RNF6: variants seen among roughly 807,000 people sequenced by gnomAD.
The protein encoded by RNF6 is E3 ubiquitin-protein ligase RNF6.
Under a neutral mutation model 50.1 loss-of-function variants are expected in RNF6, and 21 were observed. That is an observed-to-expected ratio of 0.42 (90% CI 0.30 to 0.60). The LOEUF is 0.60. RNF6 is among the 20% of genes least tolerant of loss of function. The pLI is 0.20. For synonymous variants in RNF6, 255 were observed against 291.8 expected (o/e 0.87, Z 1.29); for missense variants, 698 against 838.2 (o/e 0.83, Z 2.07).
In RNF6 at chr13:26,219,493, G is replaced by A. The variant is rs1195442221; in HGVS notation, c.157C>T (p.Arg53Trp). 2 of 1,613,410 alleles carry A rather than the reference G, an allele frequency of 1.2e-6. No homozygotes were observed. The highest frequency in any genetic ancestry group is 1.1e-5 in the South Asian group (1 of 91,024). The change falls in exon 3 of 5, where the codon CGG becomes TGG. Residue 53 changes from arginine (R) to tryptophan (W), a missense_variant. Physicochemically the swap from Arg to Trp is moderately radical, Grantham distance 101. Transcript: ENST00000381588. ...AAAAGATTATGGTCTCTCATAAGCCGATAATCTTCATCATTGAGTTCATTA... is the reference window on the plus strand; with the variant it reads ...AAAAGATTATGGTCTCTCATAAGCCAATAATCTTCATCATTGAGTTCATTA... ...FINELNDEDY[R>W]LMRDHNLLGT...
At chr13:26,188,411 C>T (rs896167960) in intron 5 of RNF6, among the ~76,000 whole-genome samples, 2 of 152,162 alleles carry the variant, frequency 1.3e-5, no homozygotes, top group East Asian at 1.9e-4. Context: ...GTAGTCAAAA[C>T]GCACTGATCA....
intron 5 of RNF6, among the ~76,000 whole-genome samples, chr13:26,146,757 A>G (rs931527367): frequency 6.6e-6 from 1 of 152,174 alleles, no homozygotes; most frequent in African/African-American, 2.4e-5. Context: ...GCAAAATTAA[A>G]TGCACAATGT....
intron 5 of RNF6, among the ~76,000 whole-genome samples, chr13:26,170,881 TCCTTA>T (rs1389405237): frequency 1.3e-5 from 2 of 152,192 alleles, no homozygotes; most frequent in African/African-American, 4.8e-5. Context: ...TACAGTTTGA[TCCTTA>T]CCTTACATCA....
rs1232065762 is a variant in RNF6, at chr13:26,214,448, C to T, written c.1434G>A (p.Val478=). Residue 478 remains valine, a synonymous_variant, in exon 5 of 5, where the codon GTG becomes GTA. Transcript: ENST00000381588. ...TCTGCCTTAAAATTGACCGAAGAGC[C>T]ACTGATGATGGCTCAACAAGCTCAT... ...SENELVEPSS[V]ALRSILRQIM... 1 of 1,614,150 alleles carries T rather than the reference C, an allele frequency of 6.2e-7. No homozygotes were observed.
At chr13:26,148,012 G>A (rs1022338067) in intron 5 of RNF6, among the ~76,000 whole-genome samples, 4 of 152,174 alleles carry the variant, frequency 2.6e-5, no homozygotes, top group Admixed American at 6.6e-5. Context: ...CTGAGACTGG[G>A]TAATTTATAA....
intron 5 of RNF6, among the ~76,000 whole-genome samples, chr13:26,170,364 C>T (rs933572844): frequency 1.3e-5 from 2 of 152,194 alleles, no homozygotes; most frequent in Non-Finnish European, 2.9e-5. Flanking sequence ...AGAATTTCCC[C>T]TGACTCGTTG....
rs571920928 is a variant in RNF6, at chr13:26,175,642, G to T, written n.768+39832C>A. On this transcript the variant is annotated intron_variant and non_coding_transcript_variant, in intron 5 of 5. Coordinates refer to the RNF6 transcript ENST00000468480. ...GGCACCGTGGTGCAGGCCAAGAGCTGCCTGAAAGTGATGAAAACCTGGGAG... is the reference window on the plus strand; with the variant it reads ...GGCACCGTGGTGCAGGCCAAGAGCTTCCTGAAAGTGATGAAAACCTGGGAG... Among the ~76,000 whole-genome samples the T allele has an allele frequency of 8.5e-5, 13 of 152,268 alleles. 1 individual carries two copies. The highest frequency in any genetic ancestry group is 3.1e-4 in the African/African-American group (13 of 41,558).
At chr13:26,132,466 C>A (rs567341390) in intron 5 of RNF6, 28 of 457,250 alleles carry the variant, frequency 6.1e-5, no homozygotes, top group Non-Finnish European at 1.0e-4. Context: ...AAAATAAAAC[C>A]AAAGAGAGAA....
chr13:26,140,167 A>G (rs1870862839), intron 5 of RNF6, among the ~76,000 whole-genome samples: 1 of 152,220 alleles, frequency 6.6e-6, no homozygotes. Context: ...ACTTTATACA[A>G]ATGAGAATTT....
intron 5 of RNF6, among the ~76,000 whole-genome samples, chr13:26,164,811 A>G (rs1267654568): frequency 6.6e-6 from 1 of 152,132 alleles, no homozygotes; most frequent in Non-Finnish European, 1.5e-5. Flanking sequence ...CTTCTCCTGA[A>G]TGACTTTGGG....
chr13:26,187,392 A>G (rs1300200928), intron 5 of RNF6, among the ~76,000 whole-genome samples: 1 of 152,202 alleles, frequency 6.6e-6, no homozygotes, highest in African/African-American at 2.4e-5. Context: ...CAGTGTGAGA[A>G]TGTCAGCCCG....
chr13:26,199,648 A>G (rs1868818950), intron 5 of RNF6, among the ~76,000 whole-genome samples: 1 of 152,224 alleles, frequency 6.6e-6, no homozygotes, highest in South Asian at 2.1e-4. Context: ...ATATGTATGT[A>G]GATATAAATT....
At chr13:26,137,043 G>A (rs972120839) in intron 5 of RNF6, among the ~76,000 whole-genome samples, 6 of 152,144 alleles carry the variant, frequency 3.9e-5, no homozygotes, top group Non-Finnish European at 5.9e-5. Context: ...TCATTACTGA[G>A]GAAGCTAAAC....
At chr13:26,188,066 A>C (rs1873641104) in intron 5 of RNF6, among the ~76,000 whole-genome samples, 1 of 152,258 alleles carries the variant, frequency 6.6e-6, no homozygotes, top group African/African-American at 2.4e-5. Context: ...AGGTCCCTTC[A>C]GCCCTAATAG....
In RNF6 at chr13:26,214,031, C is replaced by T. The variant is rs760700297; in HGVS notation, c.1851G>A (p.Arg617=). The change falls in exon 5 of 5, where the codon AGG becomes AGA. Residue 617 remains arginine (R), a synonymous_variant. Coordinates refer to ENST00000381588, the MANE Select transcript of RNF6 (RefSeq NM_005977.4). ...TKEQIDNLST[R]HYEHNSIDSE... The stretch of plus-strand genomic sequence containing the variant: ...TATCAATACTGTTATGCTCATAGTG[C>T]CTGGTGGAAAGATTGTCAATCTGCT... The T allele has an allele frequency of 1.9e-6, 3 of 1,614,098 alleles. No homozygotes were observed. The highest frequency in any genetic ancestry group is 2.5e-6 in the Non-Finnish European group (3 of 1,180,018).
chr13:26,152,156 T>A (rs756948746), intron 5 of RNF6, among the ~76,000 whole-genome samples: 1 of 152,214 alleles, frequency 6.6e-6, no homozygotes, highest in Non-Finnish European at 1.5e-5. Flanking sequence ...TAGAGAAAAA[T>A]TTAATATTTT....
intron 5 of RNF6, among the ~76,000 whole-genome samples, chr13:26,143,947 TA>T (rs1871097034): frequency 1.3e-5 from 2 of 152,208 alleles, no homozygotes; most frequent in African/African-American, 4.8e-5. Flanking sequence ...AAGCATTGTT[TA>T]CAGAGAAGGC....
At chr13:26,170,342 C>T (rs1014816459) in intron 5 of RNF6, among the ~76,000 whole-genome samples, 1 of 152,048 alleles carries the variant, frequency 6.6e-6, no homozygotes, top group Admixed American at 6.5e-5. Flanking sequence ...TTCAAAAGCA[C>T]TTTGTTACCG....
intron 5 of RNF6, among the ~76,000 whole-genome samples, chr13:26,178,632 G>A (rs924548535): frequency 1.4e-4 from 20 of 141,970 alleles, no homozygotes; most frequent in African/African-American, 5.1e-4. Flanking sequence ...GTGTGTGTGT[G>A]TGTGTGTGTG....
Sources: gnomAD v4.1 joint callset for allele counts (sites outside exome capture counted in the v4.1 genomes callset) on GRCh38, gnomAD v4.1.1 for gene constraint, MANE v1.5 for transcripts, NCBI Gene and HGNC (gene_info 2026-07-23, HGNC 2026-07-21) for gene names.